Variants in SLC4A4 observed in about 807,000 individuals in gnomAD.
SLC4A4 encodes solute carrier family 4 member 4, also known as electrogenic sodium bicarbonate cotransporter 1.
SLC4A4 carries 27 observed loss-of-function variants against 111.5 expected under a neutral mutation model. The observed-to-expected ratio is 0.24, with a 90% CI of 0.18 to 0.33. The LOEUF is 0.33. Ranked by LOEUF, SLC4A4 falls within the 10% of genes least tolerant of loss-of-function variation. SLC4A4 has a pLI of 1.00. For synonymous variants in SLC4A4, 443 were observed against 463.4 expected (o/e 0.96, Z 0.57); for missense variants, 909 against 1,315.5 (o/e 0.69, Z 4.78).
chr4:71,544,808 T>TTTTA (rs923174067), intron 18 of SLC4A4, among the ~76,000 whole-genome samples: 2 of 151,996 alleles, frequency 1.3e-5, no homozygotes, highest in Admixed American at 1.3e-4. Context: ...AAGCTGCATA[T>TTTTA]TTTATTTATT....
In SLC4A4 at chr4:71,236,755, A is replaced by G. The variant is rs192946736; in HGVS notation, c.73+106A>G. The G allele has an allele frequency of 6.0e-5, 56 of 933,052 alleles. No individual in the cohort carries two copies. In the East Asian group the frequency reaches 1.5e-3, roughly 25 times the overall value. The allele number at this position is 933,052 out of a possible 1,614,324, so 57.8% of individuals were successfully genotyped here. ...CTTACATTTTTAAAATGAAACACCAAACCTTTTCTATAGAGTTTCATCAAT... is the reference window on the plus strand; with the variant it reads ...CTTACATTTTTAAAATGAAACACCAGACCTTTTCTATAGAGTTTCATCAAT... On this transcript the variant is annotated intron_variant, in intron 2 of 25. Coordinates refer to ENST00000264485, the MANE Select transcript of SLC4A4 (RefSeq NM_001098484.3).
At chr4:71,279,467 T>C (rs1394020986) in intron 3 of SLC4A4, among the ~76,000 whole-genome samples, 1 of 152,210 alleles carries the variant, frequency 6.6e-6, no homozygotes, top group East Asian at 1.9e-4. Flanking sequence ...ATTATATATC[T>C]ATGTATGTAT....
intron 21 of SLC4A4, among the ~76,000 whole-genome samples, chr4:71,555,445 T>G (rs1234275664): frequency 6.6e-6 from 1 of 151,932 alleles, no homozygotes; most frequent in Non-Finnish European, 1.5e-5. Flanking sequence ...TAAAAGTCAT[T>G]TAACCAAGAA....
intron 16 of SLC4A4, among the ~76,000 whole-genome samples, chr4:71,503,158 G>A (rs1241416507): frequency 1.3e-5 from 2 of 151,420 alleles, no homozygotes; most frequent in Non-Finnish European, 2.9e-5. Flanking sequence ...CCATTTGCAT[G>A]GAGTATCTTT....
chr4:71,409,758 G>A (rs1721191515), intron 7 of SLC4A4, among the ~76,000 whole-genome samples: 2 of 152,048 alleles, frequency 1.3e-5, no homozygotes. Flanking sequence ...ATGTCTTCAG[G>A]CCATGTCAGA....
chr4:71,535,121 A>G (rs1734295665), intron 18 of SLC4A4, among the ~76,000 whole-genome samples: 1 of 152,164 alleles, frequency 6.6e-6, no homozygotes, highest in Non-Finnish European at 1.5e-5. Flanking sequence ...GTGGAGGGCT[A>G]CTATGAGCCA....
At chr4:71,163,565 A>G (rs1744662532) in intron 2 of SLC4A4, among the ~76,000 whole-genome samples, 1 of 152,230 alleles carries the variant, frequency 6.6e-6, no homozygotes, top group South Asian at 2.1e-4. Context: ...GGTATAGTCT[A>G]AAATAAAACA....
chr4:71,295,776 A>C (rs999216265), intron 3 of SLC4A4, among the ~76,000 whole-genome samples: 1 of 152,092 alleles, frequency 6.6e-6, no homozygotes, highest in Admixed American at 6.5e-5. Context: ...CTCCTGCCTC[A>C]GCCTCCAGAG....
chr4:71,528,480 C>T (rs1177757375), intron 16 of SLC4A4, among the ~76,000 whole-genome samples: 2 of 152,030 alleles, frequency 1.3e-5, no homozygotes, highest in East Asian at 1.9e-4. Context: ...AGAGTATCTG[C>T]AGTAATTTGT....
At chr4:71,479,841 T>A (rs1355521108) in intron 14 of SLC4A4, among the ~76,000 whole-genome samples, 2 of 151,722 alleles carry the variant, frequency 1.3e-5, no homozygotes, top group Non-Finnish European at 2.9e-5. Flanking sequence ...TGCATAATGC[T>A]TGCCGGAATC....
chr4:71,279,162 C>T (rs919873121), intron 3 of SLC4A4, among the ~76,000 whole-genome samples: 5 of 152,236 alleles, frequency 3.3e-5, no homozygotes, highest in Non-Finnish European at 5.9e-5. Context: ...CCTTGCTGTA[C>T]GATAGATCTC....
At chr4:71,078,364 T>G (rs1296007526) in intron 1 of SLC4A4, among the ~76,000 whole-genome samples, 1 of 152,108 alleles carries the variant, frequency 6.6e-6, no homozygotes, top group Non-Finnish European at 1.5e-5. Flanking sequence ...GGAAGACACA[T>G]GTACATCAAT....
intron 12 of SLC4A4, among the ~76,000 whole-genome samples, chr4:71,460,706 G>A (rs1404827384): frequency 1.3e-5 from 2 of 152,040 alleles, no homozygotes; most frequent in African/African-American, 2.4e-5. Flanking sequence ...GTAGATGAAT[G>A]GTCTGTGTGA....
At chr4:71,137,389 C>T (rs1302220029) in intron 2 of SLC4A4, among the ~76,000 whole-genome samples, 2 of 152,182 alleles carry the variant, frequency 1.3e-5, no homozygotes, top group African/African-American at 4.8e-5. Context: ...CCCAGCATTC[C>T]TCCTATGGCA....
At chr4:71,196,015 A>T (rs1235325747) in intron 1 of SLC4A4, among the ~76,000 whole-genome samples, 1 of 152,234 alleles carries the variant, frequency 6.6e-6, no homozygotes. Flanking sequence ...AATCAGTGGG[A>T]CCATCAGTTA....
At chr4:71,117,589 A>G (rs557382809) in intron 2 of SLC4A4, among the ~76,000 whole-genome samples, 2 of 152,176 alleles carry the variant, frequency 1.3e-5, no homozygotes, top group South Asian at 4.1e-4. Flanking sequence ...ACTTCTCTAA[A>G]ATGAAAGTAA....
chr4:71,452,143 G>C (rs1725826194), intron 11 of SLC4A4, among the ~76,000 whole-genome samples: 1 of 151,958 alleles, frequency 6.6e-6, no homozygotes, highest in Admixed American at 6.6e-5. Context: ...ATATGCAATT[G>C]AATGTGAATG....
chr4:71,540,497 A>C (rs1734941921), intron 18 of SLC4A4, among the ~76,000 whole-genome samples: 1 of 152,190 alleles, frequency 6.6e-6, no homozygotes, highest in South Asian at 2.1e-4. Context: ...ATTCATGGAA[A>C]CAAGAAGTCT....
chr4:71,467,544 ATAT>A (rs933282384), intron 13 of SLC4A4, among the ~76,000 whole-genome samples: 1 of 152,110 alleles, frequency 6.6e-6, no homozygotes, highest in Admixed American at 6.6e-5. Context: ...AAATTGCCTA[ATAT>A]TATATCACAA....
Sources: allele counts gnomAD v4.1 joint callset (sites outside exome capture counted in the v4.1 genomes callset), GRCh38; gene constraint gnomAD v4.1.1; transcripts MANE v1.5; gene names NCBI Gene and HGNC (gene_info 2026-07-23, HGNC 2026-07-21).